ITSN1: variants seen among roughly 807,000 people sequenced by gnomAD.
The protein encoded by ITSN1 is intersectin-1.
In ITSN1, 58 loss-of-function variants were observed where a neutral mutation model predicts 239.8. That is an observed-to-expected ratio of 0.24 (90% CI 0.20 to 0.30). The LOEUF (loss-of-function observed/expected upper bound fraction) is 0.30. ITSN1 is among the 10% of genes least tolerant of loss of function. The pLI, the probability that ITSN1 is intolerant of heterozygous loss-of-function variation, is 1.00. For missense variants in ITSN1, 1,558 were observed against 2,103.3 expected, an observed-to-expected ratio of 0.74 and a Z score of 5.07; for synonymous variants, 780 against 770.8, an observed-to-expected ratio of 1.01 and a Z score of -0.20.
At chr21:33,773,258 T>G (rs1020148730) in intron 12 of ITSN1, among the ~76,000 whole-genome samples, 1 of 152,142 alleles carries the variant, frequency 6.6e-6, no homozygotes, top group African/African-American at 2.4e-5. Flanking sequence ...TCCACCCGCC[T>G]CAGCCTCCCA....
At position 33,750,305 on chromosome 21, in the gene ITSN1, C is replaced by G; in HGVS notation, c.509C>G (p.Pro170Arg). The G allele has an allele frequency of 5.0e-6, 8 of 1,613,242 alleles. No homozygotes were observed. The highest frequency in any genetic ancestry group is 6.8e-6 in the Non-Finnish European group (8 of 1,180,012). ...NGAPPVIQPLPAFAHPAATLP... is the reference protein window; with the variant it reads ...NGAPPVIQPLRAFAHPAATLP... ...GCTCCCCCTGTTATACAACCTCTGC[C>G]TGCATTTGCTCATCCTGGTATGTGA... Residue 170 changes from proline to arginine, a missense_variant, in exon 6 of 40, where the codon CCT (proline) becomes CGT (arginine). Pro to Arg is a moderately radical substitution (Grantham distance 103). Around this residue, in one of 2 missense-constraint regions of ITSN1, gnomAD observed 982 missense variants for 1,209.9 expected, o/e 0.81. Coordinates refer to ENST00000381318, the MANE Select transcript of ITSN1 (RefSeq NM_003024.3).
At chr21:33,684,571 G>C (rs964903808) in intron 1 of ITSN1, among the ~76,000 whole-genome samples, 10 of 152,032 alleles carry the variant, frequency 6.6e-5, no homozygotes, top group Non-Finnish European at 1.3e-4. Context: ...GGTAGAAACA[G>C]TTTTCCTAGG....
At chr21:33,848,847 C>G (rs547198998) in intron 29 of ITSN1, among the ~76,000 whole-genome samples, 1 of 152,352 alleles carries the variant, frequency 6.6e-6, no homozygotes, top group African/African-American at 2.4e-5. Flanking sequence ...CCTGCCCCCT[C>G]ACCACCGATA....
chr21:33,772,268 G>T lies in ITSN1; in HGVS notation c.1250G>T (p.Arg417Leu). 6.3e-7 allele frequency: 1 copy of T among 1,587,300 alleles called. No homozygotes were observed. Among genetic ancestry groups the T allele is most frequent in the Non-Finnish European group, 8.6e-7 (1 of 1,166,238 alleles). Residue 417 changes from arginine (R) to leucine (L), a missense_variant, in exon 12 of 40, where the codon CGG (arginine) becomes CTG (leucine). By Grantham distance (102) the Arg-to-Leu change is moderately radical (BLOSUM62 -2). Coordinates refer to ENST00000381318, the MANE Select transcript of ITSN1 (RefSeq NM_003024.3). ...CTGGAGAAGCAACTGGAAAAGCAGC[G>T]GGAGCTAGAACGGCAGAGAGAGGAG... ...LELEKQLEKQ[R>L]ELERQREEER... is the part of the protein sequence containing the mutation.
At chr21:33,813,813 G>A in intron 21 of ITSN1, 100 bp from the exon 22 acceptor site, 2 of 1,004,730 alleles carry the variant, frequency 2.0e-6, no homozygotes, top group Non-Finnish European at 2.9e-6. Flanking sequence ...GGCATATTAG[G>A]GAGTGCTTGC....
intron 24 of ITSN1, among the ~76,000 whole-genome samples, chr21:33,823,171 AAAAG>A (rs2073787516): frequency 6.6e-6 from 1 of 152,232 alleles, no homozygotes; most frequent in African/African-American, 2.4e-5. Context: ...TTTTCATTCA[AAAAG>A]AAATCATGAT....
At chr21:33,753,644 C>T (rs2067710856) in intron 7 of ITSN1, among the ~76,000 whole-genome samples, 1 of 151,766 alleles carries the variant, frequency 6.6e-6, no homozygotes, top group African/African-American at 2.4e-5. Flanking sequence ...CACCTGTAAT[C>T]CCAGCTACTC....
At chr21:33,739,935 G>A (rs569561730) in intron 5 of ITSN1, among the ~76,000 whole-genome samples, 1 of 152,304 alleles carries the variant, frequency 6.6e-6, no homozygotes, top group South Asian at 2.1e-4. Flanking sequence ...TTTGCCACGG[G>A]CAAGAGGCAA....
At chr21:33,705,364 C>T (rs1267366768) in intron 1 of ITSN1, among the ~76,000 whole-genome samples, 1 of 152,026 alleles carries the variant, frequency 6.6e-6, no homozygotes, top group African/African-American at 2.4e-5. Context: ...TGCTCTGACT[C>T]AAAAATTAAA....
At chr21:33,659,562 T>C (rs1170484374) in intron 1 of ITSN1, among the ~76,000 whole-genome samples, 1 of 152,096 alleles carries the variant, frequency 6.6e-6, no homozygotes, top group Non-Finnish European at 1.5e-5. Flanking sequence ...GAACATTTTT[T>C]AGAACTCAGT....
At chr21:33,857,914 C>G (rs1979668939) in intron 30 of ITSN1, among the ~76,000 whole-genome samples, 1 of 152,314 alleles carries the variant, frequency 6.6e-6, no homozygotes, top group African/African-American at 2.4e-5. Flanking sequence ...GCAGCCGCAG[C>G]CCAGCCAAGT....
rs747297724 is a variant in ITSN1, at chr21:33,856,710, T to G, written c.3662-26T>G. ...GTGGGCTTCCCCAGACTGTGCTAAG[T>G]TCTCCCAAATGGTTGTGTTTTCCAG... On this transcript the variant is annotated intron_variant, in intron 29 of 39. Coordinates refer to ENST00000381318, the MANE Select transcript of ITSN1 (RefSeq NM_003024.3). 1.1e-5 allele frequency: 17 copies of G among 1,612,818 alleles called. No individual in the cohort carries two copies. In the Admixed American group the frequency reaches 2.8e-4, roughly 27 times the overall value.
At chr21:33,677,116 C>G (rs903954698) in intron 1 of ITSN1, among the ~76,000 whole-genome samples, 3 of 151,954 alleles carry the variant, frequency 2.0e-5, no homozygotes, top group African/African-American at 7.3e-5. Flanking sequence ...GTAACAAAAC[C>G]TGCACGTTGT....
chr21:33,751,386 A>T (rs2067544440), intron 6 of ITSN1, among the ~76,000 whole-genome samples: 1 of 152,180 alleles, frequency 6.6e-6, no homozygotes, highest in Admixed American at 6.5e-5. Context: ...GACCTTCCCT[A>T]GTGTCACATG....
intron 5 of ITSN1, among the ~76,000 whole-genome samples, chr21:33,749,262 T>G (rs2067392015): frequency 2.6e-5 from 4 of 152,024 alleles, no homozygotes; most frequent in Admixed American, 2.6e-4. Context: ...AGTAGTGAGT[T>G]TACAGGCATA....
intron 5 of ITSN1, among the ~76,000 whole-genome samples, chr21:33,749,578 G>A (rs2067411950): frequency 6.6e-6 from 1 of 151,680 alleles, no homozygotes; most frequent in African/African-American, 2.4e-5. Context: ...GGAGGTGGAG[G>A]TTGCAGTGAG....
At chr21:33,861,669 G>A (rs998937893) in intron 31 of ITSN1, among the ~76,000 whole-genome samples, 15 of 152,106 alleles carry the variant, frequency 9.9e-5, no homozygotes, top group South Asian at 2.1e-4. Context: ...CAGAAGGGCC[G>A]GGTGCGGTGG....
At chr21:33,751,377 A>T (rs981803190) in intron 6 of ITSN1, among the ~76,000 whole-genome samples, 4 of 152,186 alleles carry the variant, frequency 2.6e-5, no homozygotes, top group Non-Finnish European at 5.9e-5. Flanking sequence ...ACAAAAGCTG[A>T]CCTTCCCTAG....
intron 23 of ITSN1, 81 bp downstream of exon 23, chr21:33,818,553 A>G (rs917238326): frequency 8.1e-7 from 1 of 1,230,322 alleles, no homozygotes; most frequent in Non-Finnish European, 1.2e-6. Context: ...TAAGATTCAC[A>G]GACAGGAGTT....
Sources: gnomAD v4.1 joint callset for allele counts (sites outside exome capture counted in the v4.1 genomes callset) on GRCh38, gnomAD v4.1.1 for gene constraint, gnomAD v4.1.1 regional missense constraint, MANE v1.5 for transcripts, NCBI Gene and HGNC (gene_info 2026-07-23, HGNC 2026-07-21) for gene names.